Variants in COLQ observed in about 807,000 individuals in gnomAD.
The protein encoded by COLQ is acetylcholinesterase collagenic tail peptide.
A neutral mutation model predicts 69.0 loss-of-function variants in COLQ; 48 were observed. That is an observed-to-expected ratio of 0.70 (90% CI 0.55 to 0.88). COLQ has a LOEUF of 0.88. Ranked by LOEUF, COLQ falls within the 40% of genes least tolerant of loss-of-function variation. The pLI, the probability that COLQ is intolerant of heterozygous loss-of-function variation, is 0.00. For synonymous variants in COLQ, 217 were observed against 211.2 expected, an observed-to-expected ratio of 1.03 and a Z score of -0.24; for missense variants, 618 against 594.6, an observed-to-expected ratio of 1.04 and a Z score of -0.41.
At chr3:15,474,537 A>G (rs2062345223) in intron 8 of COLQ, among the ~76,000 whole-genome samples, 1 of 152,188 alleles carries the variant, frequency 6.6e-6, no homozygotes, top group African/African-American at 2.4e-5. Flanking sequence ...AAATTTGTCC[A>G]CAGGTTGATG....
At chr3:15,466,972 A>T (rs78177643) in intron 11 of COLQ, among the ~76,000 whole-genome samples, 4,371 of 152,252 alleles carry the variant, frequency 0.029, 82 homozygotes, top group Middle Eastern at 0.051. Flanking sequence ...TTTGGCTCTC[A>T]GCTCAAATGC....
rs368939358 is a variant in COLQ, at chr3:15,510,569, A to G, written c.106+10951T>C. ...CAAAAAATACAAAACTTGGCTGGTTATGGTGGCATGTGCCTGTAATCCCAG... is the reference window on the plus strand; with the variant it reads ...CAAAAAATACAAAACTTGGCTGGTTGTGGTGGCATGTGCCTGTAATCCCAG... On this transcript the variant is annotated intron_variant, in intron 1 of 16. Coordinates refer to ENST00000383788, the MANE Select transcript of COLQ (RefSeq NM_005677.4). Among the ~76,000 whole-genome samples, 309 of 151,618 alleles carry G rather than the reference A, an allele frequency of 2.0e-3. 1 individual carries two copies. Among genetic ancestry groups the G allele is most frequent in the African/African-American group, 7.2e-3 (298 of 41,352 alleles).
chr3:15,479,874 C>A (rs1442350371), intron 3 of COLQ, among the ~76,000 whole-genome samples: 1 of 152,116 alleles, frequency 6.6e-6, no homozygotes, highest in Non-Finnish European at 1.5e-5. Context: ...GTACTAGGTG[C>A]CAAATAATTT....
intron 1 of COLQ, among the ~76,000 whole-genome samples, chr3:15,508,822 T>C (rs911311085): frequency 6.6e-6 from 1 of 151,358 alleles, no homozygotes; most frequent in African/African-American, 2.4e-5. Flanking sequence ...TTATATATTA[T>C]AAATTGTATA....
intron 3 of COLQ, among the ~76,000 whole-genome samples, chr3:15,487,121 A>C (rs558728647): frequency 6.6e-6 from 1 of 152,316 alleles, no homozygotes; most frequent in African/African-American, 2.4e-5. Context: ...GCAGAGAATT[A>C]AAGTAGGTCA....
intron 3 of COLQ, among the ~76,000 whole-genome samples, chr3:15,485,052 G>A (rs1192146618): frequency 1.3e-5 from 2 of 152,212 alleles, no homozygotes; most frequent in African/African-American, 4.8e-5. Flanking sequence ...GGTCTTTGAT[G>A]ATGGTGATGT....
At chr3:15,463,559 G>T (rs2062154362) in intron 12 of COLQ, among the ~76,000 whole-genome samples, 1 of 151,928 alleles carries the variant, frequency 6.6e-6, no homozygotes, top group Non-Finnish European at 1.5e-5. Flanking sequence ...TGTTAGCCAG[G>T]ATGGTCTCGA....
intron 6 of COLQ, among the ~76,000 whole-genome samples, chr3:15,476,320 G>C (rs760587685): frequency 6.6e-6 from 1 of 152,172 alleles, no homozygotes; most frequent in Non-Finnish European, 1.5e-5. Flanking sequence ...TTTAGTAAAG[G>C]TTAATTCAAA....
At chr3:15,470,797 T>TTTC in intron 10 of COLQ, 181 bp from the exon 11 acceptor site, 1 of 694,658 alleles carries the variant, frequency 1.4e-6, no homozygotes, top group Non-Finnish European at 2.7e-6. Flanking sequence ...AGACATGTCT[T>TTTC]TCATGGAAGA....
chr3:15,478,864 C>T lies in COLQ; in HGVS notation c.393+113G>A. On this transcript the variant is annotated intron_variant, in intron 5 of 16. Coordinates refer to ENST00000383788, the MANE Select transcript of COLQ (RefSeq NM_005677.4). ...AGACAGCAGCACCATCACTGTCCAC[C>T]TGGGTATCAGTGACCACTGAAGTGC... 18 of 1,267,662 alleles carry T rather than the reference C, an allele frequency of 1.4e-5. No homozygotes were observed. The South Asian group carries it at 2.0e-4, about 14-fold the overall frequency. 78.5% of individuals were successfully genotyped at this position (1,267,662 alleles called of 1,614,324 possible). A position where few individuals can be genotyped will look rare whatever the true frequency, so the allele number is the denominator to read the frequency against.
chr3:15,473,980 A>C lies in COLQ; in HGVS notation c.636+20T>G. 6.2e-7 allele frequency: 1 copy of C among 1,613,822 alleles called. No homozygotes were observed. Among genetic ancestry groups the C allele is most frequent in the Non-Finnish European group, 8.5e-7 (1 of 1,179,778 alleles). On this transcript the variant is annotated intron_variant, in intron 10 of 16. Transcript: ENST00000383788. The surrounding 1 kb of genome is among the most constrained non-coding windows in gnomAD (Gnocchi z 4.0). ...GATATTTTTATTGAGGCCTATTTTC[A>C]CTACCTCAAGGTTACTTACTTTCTG...
chr3:15,520,514 C>A, intron 1 of COLQ, among the ~76,000 whole-genome samples: 1 of 152,186 alleles, frequency 6.6e-6, no homozygotes, highest in Non-Finnish European at 1.5e-5. Flanking sequence ...CCAGCAAAGG[C>A]AGCGATAGTG....
At chr3:15,470,906 A>G (rs760362219) in intron 10 of COLQ, among the ~76,000 whole-genome samples, 6 of 152,140 alleles carry the variant, frequency 3.9e-5, no homozygotes, top group Non-Finnish European at 8.8e-5. Context: ...GAAGAGACAA[A>G]TCATCACCCA....
intron 12 of COLQ, among the ~76,000 whole-genome samples, chr3:15,462,094 T>C (rs1436745789): frequency 6.6e-6 from 1 of 152,138 alleles, no homozygotes; most frequent in Admixed American, 6.6e-5. Context: ...AGTAGCGAGA[T>C]CTCGGCTCAC....
chr3:15,474,791 G>A, intron 8 of COLQ, 134 bp downstream of exon 8: 1 of 1,069,578 alleles, frequency 9.3e-7, no homozygotes, highest in Non-Finnish European at 1.4e-6. Context: ...ACTGACAAAG[G>A]GTGGGGAATA....
chr3:15,475,493 G>C lies in COLQ; in HGVS notation c.466-6C>G, dbSNP rs2062364726. The C allele has an allele frequency of 4.4e-6, 7 of 1,589,892 alleles. No homozygotes were observed. The highest frequency in any genetic ancestry group is 6.0e-6 in the Non-Finnish European group (7 of 1,166,268). On this transcript the variant is annotated splice_polypyrimidine_tract_variant and splice_region_variant and intron_variant, in intron 6 of 16. Transcript: ENST00000383788. The stretch of plus-strand genomic sequence containing the variant: ...CCCAGGTCACCTTTTTCACCCTGTG[G>C]GAATTAGAAGAAGAAAAGACCCACG...
At position 15,475,143 on chromosome 3, in the gene COLQ, T is replaced by C. The variant is rs1057308002; in HGVS notation, c.529-192A>G. 38 of 698,410 alleles carry C rather than the reference T, an allele frequency of 5.4e-5. No individual in the cohort carries two copies. The Admixed American group carries it at 5.5e-4, about 10-fold the overall frequency. The allele number at this position is 698,410 out of a possible 1,614,324, so 43.3% of individuals were successfully genotyped here. A position where few individuals can be genotyped will look rare whatever the true frequency, so the allele number is the denominator to read the frequency against. On this transcript the variant is annotated intron_variant, in intron 7 of 16. Transcript: ENST00000383788. ...GGTTATACCAGGCCTAAAAGGAACA[T>C]TGCTTTTATCACTCTGCAAAGTCCT...
At chr3:15,489,433 G>T in intron 2 of COLQ, 92 bp downstream of exon 2, 1 of 1,170,170 alleles carries the variant, frequency 8.5e-7, no homozygotes, top group Non-Finnish European at 1.3e-6. Flanking sequence ...TCCGGAGGCA[G>T]CTCAGGTGGA....
chr3:15,474,870 C>G, intron 8 of COLQ, 55 bp downstream of exon 8: 1 of 1,602,914 alleles, frequency 6.2e-7, no homozygotes, highest in South Asian at 1.1e-5. Context: ...GTCTCTGATT[C>G]CAGAGCCAGT....
Sources: gnomAD v4.1 joint callset for allele counts (sites outside exome capture counted in the v4.1 genomes callset) on GRCh38, gnomAD v4.1.1 for gene constraint, Gnocchi (gnomAD v3.1) non-coding constraint, MANE v1.5 for transcripts, NCBI Gene and HGNC (gene_info 2026-07-23, HGNC 2026-07-21) for gene names.